The following ATRNL1 variants were observed in gnomAD, a reference collection of about 807,000 sequenced individuals.
ATRNL1 encodes attractin-like protein 1.
Under a neutral mutation model 182.7 loss-of-function variants are expected in ATRNL1, and 95 were observed. That is an observed-to-expected ratio of 0.52 (90% CI 0.44 to 0.62). The LOEUF is 0.62. Ranked by LOEUF, ATRNL1 falls within the 20% of genes least tolerant of loss-of-function variation. The pLI is 0.00. For synonymous variants in ATRNL1, 576 were observed against 568.3 expected, an observed-to-expected ratio of 1.01 and a Z score of -0.19; for missense variants, 1,471 against 1,679.5, an observed-to-expected ratio of 0.88 and a Z score of 2.17.
At chr10:115,214,063 CACACAT>C (rs781971955) in intron 8 of ATRNL1, among the ~76,000 whole-genome samples, 1 of 150,744 alleles carries the variant, frequency 6.6e-6, no homozygotes. Context: ...CACACACACA[CACACAT>C]ATATATAAAC....
At chr10:115,359,920 A>G (rs1856660726) in intron 19 of ATRNL1, among the ~76,000 whole-genome samples, 1 of 151,634 alleles carries the variant, frequency 6.6e-6, no homozygotes, top group South Asian at 2.1e-4. Context: ...TATGTATTTT[A>G]TGTGATTTTT....
chr10:115,851,708 G>T (rs1458862284), intron 28 of ATRNL1, among the ~76,000 whole-genome samples: 2 of 152,202 alleles, frequency 1.3e-5, no homozygotes, highest in South Asian at 2.1e-4. Flanking sequence ...CTGCTTCCCC[G>T]CCCAGTAAAC....
At chr10:115,286,047 G>T (rs903952412) in intron 14 of ATRNL1, among the ~76,000 whole-genome samples, 169 bp from the exon 15 acceptor site, 1 of 151,894 alleles carries the variant, frequency 6.6e-6, no homozygotes, top group African/African-American at 2.4e-5. Flanking sequence ...GGGATGTTCT[G>T]CTTTCATTCT....
At chr10:115,597,341 G>T (rs1365207200) in intron 26 of ATRNL1, among the ~76,000 whole-genome samples, 3 of 152,004 alleles carry the variant, frequency 2.0e-5, no homozygotes, top group African/African-American at 7.2e-5. Flanking sequence ...GAAAGGTTGA[G>T]AAATGAAGTA....
In ATRNL1 at chr10:115,256,359, G is replaced by C. The variant is rs181643638; in HGVS notation, c.1688-8834G>C. Among the ~76,000 whole-genome samples the C allele has an allele frequency of 3.5e-3, 526 of 152,138 alleles. 3 individuals are homozygous for C. The highest frequency in any genetic ancestry group is 5.5e-3 in the Non-Finnish European group (376 of 68,020). On this transcript the variant is annotated intron_variant, in intron 10 of 28. Coordinates refer to ENST00000355044, the MANE Select transcript of ATRNL1 (RefSeq NM_207303.4). ...AGAGATTCAACTTCTTCCTGGTTTA[G>C]TCTCGGGAGGGTGTATGTGTCCAGG...
intron 19 of ATRNL1, among the ~76,000 whole-genome samples, chr10:115,352,003 G>A (rs373917870): frequency 1.3e-5 from 2 of 152,044 alleles, no homozygotes; most frequent in East Asian, 1.9e-4. Context: ...CTTGCTATTG[G>A]TCTGTTTAGT....
intron 8 of ATRNL1, among the ~76,000 whole-genome samples, chr10:115,173,499 T>C (rs1296279817): frequency 6.6e-6 from 1 of 151,900 alleles, no homozygotes; most frequent in African/African-American, 2.4e-5. Flanking sequence ...TTGATTATAT[T>C]GTTTAGGCCT....
chr10:115,282,940 G>C (rs1214671931), intron 14 of ATRNL1, among the ~76,000 whole-genome samples: 1 of 151,472 alleles, frequency 6.6e-6, no homozygotes, highest in Non-Finnish European at 1.5e-5. Flanking sequence ...CCTACATTAG[G>C]TATTTCTCCT....
intron 24 of ATRNL1, among the ~76,000 whole-genome samples, chr10:115,477,524 C>T (rs1366395017): frequency 6.6e-6 from 1 of 151,516 alleles, no homozygotes; most frequent in African/African-American, 2.4e-5. Context: ...GGACACCTGT[C>T]TAACTTCCTC....
chr10:115,197,198 A>C (rs1848395497), intron 8 of ATRNL1, among the ~76,000 whole-genome samples: 5 of 152,058 alleles, frequency 3.3e-5, no homozygotes, highest in Admixed American at 1.3e-4. Context: ...TTTACATGTT[A>C]AACTGCAATT....
intron 26 of ATRNL1, among the ~76,000 whole-genome samples, chr10:115,713,443 C>CTGTGTGTGTGTGTGTGTGTGTGTT (rs1947125348): frequency 1.7e-5 from 2 of 117,810 alleles, no homozygotes; most frequent in Non-Finnish European, 4.0e-5. Context: ...GGGAAAGTGG[C>CTGTGTGTGTGTGTGTGTGTGTGTT]TGTGTGTGTG....
At chr10:115,462,901 T>C (rs1847884195) in intron 22 of ATRNL1, among the ~76,000 whole-genome samples, 1 of 152,034 alleles carries the variant, frequency 6.6e-6, no homozygotes, top group East Asian at 1.9e-4. Context: ...TATTTTGCTA[T>C]CCATCTGAGA....
chr10:115,512,429 A>G (rs1200523416), intron 24 of ATRNL1, among the ~76,000 whole-genome samples: 1 of 151,896 alleles, frequency 6.6e-6, no homozygotes, highest in Non-Finnish European at 1.5e-5. Flanking sequence ...TAATAAGGAT[A>G]TTTGAAGTCC....
At chr10:115,229,899 A>T (rs1243255535) in intron 9 of ATRNL1, among the ~76,000 whole-genome samples, 1 of 152,196 alleles carries the variant, frequency 6.6e-6, no homozygotes, top group Non-Finnish European at 1.5e-5. Context: ...TTTCAAAACC[A>T]TAATAAAATG....
intron 10 of ATRNL1, among the ~76,000 whole-genome samples, chr10:115,243,758 G>A (rs1384246487): frequency 6.6e-6 from 1 of 151,984 alleles, no homozygotes; most frequent in Non-Finnish European, 1.5e-5. Flanking sequence ...GGAAGGAATA[G>A]CATATTTTAA....
chr10:115,226,258 G>A (rs573280832), intron 9 of ATRNL1, among the ~76,000 whole-genome samples: 1 of 152,014 alleles, frequency 6.6e-6, no homozygotes, highest in South Asian at 2.1e-4. Context: ...ACAAAGATCT[G>A]TTTCAGATCA....
intron 3 of ATRNL1, among the ~76,000 whole-genome samples, chr10:115,125,138 T>C (rs1387597935): frequency 4.6e-5 from 7 of 152,154 alleles, no homozygotes; most frequent in African/African-American, 1.7e-4. Context: ...GAAGGATACG[T>C]AGGAGTCACA....
chr10:115,604,149 A>G (rs1175325494), intron 26 of ATRNL1, among the ~76,000 whole-genome samples: 3 of 152,090 alleles, frequency 2.0e-5, no homozygotes, highest in Non-Finnish European at 2.9e-5. Flanking sequence ...GATTCAAGAC[A>G]TTCTATATTT....
At chr10:115,313,463 A>C (rs1854137075) in intron 17 of ATRNL1, among the ~76,000 whole-genome samples, 1 of 152,102 alleles carries the variant, frequency 6.6e-6, no homozygotes, top group African/African-American at 2.4e-5. Context: ...TGTAGTAGTG[A>C]TGTGCTCCAT....
Sources: allele counts gnomAD v4.1 joint callset (sites outside exome capture counted in the v4.1 genomes callset), GRCh38; gene constraint gnomAD v4.1.1; transcripts MANE v1.5; gene names NCBI Gene and HGNC (gene_info 2026-07-23, HGNC 2026-07-21).